The following LINGO2 variants were observed in gnomAD, a reference collection of about 807,000 sequenced individuals.
LINGO2 encodes the protein leucine-rich repeat and immunoglobulin-like domain-containing nogo receptor-interacting protein 2.
In LINGO2, 14 loss-of-function variants were observed where a neutral mutation model predicts 30.6. That is an observed-to-expected ratio of 0.46 (90% CI 0.30 to 0.72). The LOEUF (loss-of-function observed/expected upper bound fraction) is 0.72, where lower values mean the gene tolerates loss of function less well. LINGO2 is among the 30% of genes least tolerant of loss of function. The pLI is 0.07. For synonymous variants in LINGO2, 317 were observed against 288.5 expected, an observed-to-expected ratio of 1.10 and a Z score of -1.00; for missense variants, 729 against 751.7, an observed-to-expected ratio of 0.97 and a Z score of 0.35.
chr9:29,161,923 G>GT, the LINGO2 span, among the ~76,000 whole-genome samples: 1,883 of 142,792 alleles, frequency 0.013, 29 homozygotes, highest in African/African-American at 0.032. Context: ...CTTCAGATGT[G>GT]TTTTTTTTTT....
chr9:28,097,816 C>T (rs1826291861), intron 4 of LINGO2, among the ~76,000 whole-genome samples: 1 of 150,754 alleles, frequency 6.6e-6, no homozygotes, highest in Admixed American at 6.6e-5. Flanking sequence ...GCACATGTAC[C>T]CTAAAACTTA....
intron 2 of LINGO2, among the ~76,000 whole-genome samples, chr9:28,398,474 G>A (rs565733241): frequency 3.3e-5 from 5 of 152,058 alleles, no homozygotes; most frequent in African/African-American, 4.8e-5. Flanking sequence ...ATAAAAACCA[G>A]CTTAGATACA....
intron 1 of LINGO2, among the ~76,000 whole-genome samples, chr9:28,640,462 C>G (rs1021570097): frequency 8.6e-5 from 13 of 151,474 alleles, no homozygotes; most frequent in Non-Finnish European, 1.8e-4. Context: ...GTACACCAAT[C>G]ATATGTAGAT....
chr9:28,406,649 T>A (rs1822527165), intron 2 of LINGO2, among the ~76,000 whole-genome samples: 1 of 152,164 alleles, frequency 6.6e-6, no homozygotes, highest in Non-Finnish European at 1.5e-5. Flanking sequence ...TGACTATGTA[T>A]ACTTCAGAAA....
In LINGO2 at chr9:28,462,969, C is replaced by T. The variant is rs966454769; in HGVS notation, c.-279+12971G>A. 2.6e-5 allele frequency among the ~76,000 whole-genome samples: 4 copies of T among 152,068 alleles called. No homozygotes were observed. The South Asian group carries it at 8.3e-4, about 32-fold the overall frequency. On this transcript the variant is annotated intron_variant, in intron 2 of 5. Coordinates refer to ENST00000379992, the Ensembl canonical transcript of LINGO2. ...TGCAAGACAGTGTATGTCTGCAAAT[C>T]GTGGGAACTACATACAGGGTTAAAT... is the stretch of plus-strand genomic sequence containing the variant.
chr9:28,433,949 C>CTCTCTCTCTCTATATATATATATA (rs1225323260), intron 2 of LINGO2, among the ~76,000 whole-genome samples: 6 of 88,474 alleles, frequency 6.8e-5, no homozygotes, highest in African/African-American at 2.2e-4. Flanking sequence ...CTCTCTCTCT[C>CTCTCTCTCTCTATATATATATATA]TATATATATA....
chr9:28,670,602 T>C (rs117191954), upstream of LINGO2, among the ~76,000 whole-genome samples: 562 of 152,288 alleles, frequency 3.7e-3, 3 homozygotes, highest in Middle Eastern at 0.017. Context: ...TGTTTTCTTA[T>C]GTGCATTACC....
intron 4 of LINGO2, among the ~76,000 whole-genome samples, chr9:28,098,154 A>C (rs1167494043): frequency 1.3e-5 from 2 of 152,158 alleles, no homozygotes; most frequent in East Asian, 3.9e-4. Flanking sequence ...AAAATACAAA[A>C]ATTAGCTGGG....
the LINGO2 span, among the ~76,000 whole-genome samples, chr9:28,701,788 A>G: frequency 6.6e-6 from 1 of 151,946 alleles, no homozygotes; most frequent in African/African-American, 2.4e-5. Flanking sequence ...CTATCTCTCC[A>G]TTTGGTACTT....
chr9:28,672,094 G>C (rs926121974), upstream of LINGO2, among the ~76,000 whole-genome samples: 2 of 152,008 alleles, frequency 1.3e-5, no homozygotes, highest in African/African-American at 4.8e-5. Context: ...GTCCTATTAG[G>C]TTCTGGAAAG....
chr9:28,728,175 C>A, the LINGO2 span, among the ~76,000 whole-genome samples: 3,873 of 152,116 alleles, frequency 0.025, 176 homozygotes, highest in African/African-American at 0.086. Flanking sequence ...TCACTTTTTG[C>A]AACCTATTTC....
chr9:28,747,642 G>A, the LINGO2 span, among the ~76,000 whole-genome samples: 2 of 152,054 alleles, frequency 1.3e-5, no homozygotes, highest in Non-Finnish European at 2.9e-5. Flanking sequence ...CTCCCATAAG[G>A]GGTTTGAGCA....
At chr9:28,949,399 T>A in the LINGO2 span, among the ~76,000 whole-genome samples, 1 of 152,058 alleles carries the variant, frequency 6.6e-6, no homozygotes, top group South Asian at 2.1e-4. Flanking sequence ...CAGAATCAAA[T>A]AGACACAATA....
chr9:28,054,938 T>TACA (rs751033278), intron 4 of LINGO2, among the ~76,000 whole-genome samples: 1 of 152,136 alleles, frequency 6.6e-6, no homozygotes, highest in Non-Finnish European at 1.5e-5. Flanking sequence ...ACTACAAAGC[T>TACA]ACAGTCTTCT....
At chr9:28,172,633 G>A (rs1270577293) in intron 4 of LINGO2, among the ~76,000 whole-genome samples, 2 of 152,152 alleles carry the variant, frequency 1.3e-5, no homozygotes, top group African/African-American at 2.4e-5. Context: ...GCTTTGGAGG[G>A]AAACCTTCAG....
chr9:28,357,317 CCA>C (rs1491148995), intron 3 of LINGO2, among the ~76,000 whole-genome samples: 770 of 59,410 alleles, frequency 0.013, 26 homozygotes, highest in South Asian at 0.03. Flanking sequence ...GAAATAAAGC[CCA>C]CCCCCCCCAA....
At chr9:28,321,611 G>T (rs1483854293) in intron 3 of LINGO2, among the ~76,000 whole-genome samples, 1 of 152,164 alleles carries the variant, frequency 6.6e-6, no homozygotes, top group African/African-American at 2.4e-5. Context: ...ATGAAGAGTG[G>T]AGAAGCAGAT....
chr9:28,299,205 T>C (rs1824043365), intron 3 of LINGO2, among the ~76,000 whole-genome samples: 2 of 152,190 alleles, frequency 1.3e-5, no homozygotes. Context: ...TTCAGTGAGT[T>C]CAATGCATTT....
intron 3 of LINGO2, among the ~76,000 whole-genome samples, chr9:28,327,098 C>T (rs557039682): frequency 1.3e-5 from 2 of 152,238 alleles, no homozygotes; most frequent in East Asian, 3.9e-4. Flanking sequence ...TACAAAAAGG[C>T]TTGTTCACCT....
Sources: allele counts gnomAD v4.1 joint callset (sites outside exome capture counted in the v4.1 genomes callset), GRCh38; gene constraint gnomAD v4.1.1; transcripts MANE v1.5; gene names NCBI Gene and HGNC (gene_info 2026-07-23, HGNC 2026-07-21).